The following POTEF variants were observed in gnomAD, a reference collection of about 807,000 sequenced individuals.
POTEF encodes the protein ANKRD26-like family C member 1B.
POTEF carries 20 observed loss-of-function variants against 83.2 expected under a neutral mutation model. The ratio of observed to expected loss-of-function variants is 0.24; its 90% confidence interval spans 0.17 to 0.35. The LOEUF is 0.35. Ranked by LOEUF, POTEF falls within the 10% of genes least tolerant of loss-of-function variation. POTEF has a pLI of 1.00. For synonymous variants in POTEF, 196 were observed against 446.4 expected (o/e 0.44, Z 7.07); for missense variants, 550 against 1,203.2 (o/e 0.46, Z 8.03).
intron 5 of POTEF, among the ~76,000 whole-genome samples, chr2:130,113,221 G>GAAA (rs1206432110): frequency 1.8e-4 from 9 of 50,292 alleles, no homozygotes; most frequent in African/African-American, 3.1e-4. Context: ...CATCTCTACT[G>GAAA]AAAAAAAAAA....
intron 2 of POTEF, among the ~76,000 whole-genome samples, chr2:130,127,379 C>G (rs1251938161): frequency 1.4e-5 from 2 of 146,230 alleles, no homozygotes; most frequent in East Asian, 3.9e-4. Context: ...ACAGTCACCC[C>G]CTAAATTTTG....
In POTEF at chr2:130,118,483, G is replaced by A. The variant is rs369090001; in HGVS notation, c.521+1512C>T. ...AGGCCAAGGTGGGTGGATCACGAGG[G>A]CAGGAGTTCAAGACCTGCCTGGCCA... On this transcript the variant is annotated intron_variant, in intron 3 of 16. Coordinates refer to ENST00000409914, the MANE Select transcript of POTEF (RefSeq NM_001099771.2). Among the ~76,000 whole-genome samples, 158 of 151,786 alleles carry A rather than the reference G, an allele frequency of 1.0e-3. 1 individual carries two copies. The highest frequency in any genetic ancestry group is 2.0e-3 in the East Asian group (10 of 5,082).
chr2:130,123,454 T>A (rs927207722), intron 2 of POTEF, among the ~76,000 whole-genome samples: 2 of 152,054 alleles, frequency 1.3e-5, no homozygotes, highest in African/African-American at 4.8e-5. Flanking sequence ...TTGCACAAAC[T>A]CCCTCTCTCA....
At chr2:130,107,525 A>T (rs1573607471) in intron 8 of POTEF, among the ~76,000 whole-genome samples, 3 of 151,152 alleles carry the variant, frequency 2.0e-5, no homozygotes, top group African/African-American at 7.4e-5. Flanking sequence ...ACACAGGAGG[A>T]GGTGAGCAGC....
rs62165959 is a variant in POTEF, at chr2:130,099,156, A to C, written c.1409+314T>G. Among the ~76,000 whole-genome samples the C allele has an allele frequency of 3.3e-4, 14 of 43,068 alleles. 2 individuals are homozygous for C. Among genetic ancestry groups the C allele is most frequent in the East Asian group, 6.1e-4 (1 of 1,636 alleles). The allele number at this position is 43,068 out of a possible 152,430, so 28.3% of individuals were successfully genotyped here. On this transcript the variant is annotated intron_variant, in intron 11 of 16. Transcript: ENST00000409914. Reference sequence around the variant, plus strand: ...TTATGTGGCTGATGAAATAATCTGCAGTCCAAATCTCCATGATACACTTTA... The same window carrying C: ...TTATGTGGCTGATGAAATAATCTGCCGTCCAAATCTCCATGATACACTTTA...
intron 8 of POTEF, among the ~76,000 whole-genome samples, chr2:130,106,008 T>G (rs976388141): frequency 2.6e-5 from 4 of 151,164 alleles, no homozygotes; most frequent in Non-Finnish European, 5.9e-5. Flanking sequence ...AGGAAGCCCT[T>G]TGCATGCTTC....
chr2:130,128,342 A>T (rs1268183549), intron 1 of POTEF, among the ~76,000 whole-genome samples: 1 of 151,850 alleles, frequency 6.6e-6, no homozygotes, highest in East Asian at 1.9e-4. Flanking sequence ...ACCAGGAGGA[A>T]CTCTGGAGTC....
chr2:130,104,884 G>A (rs1684475135), intron 8 of POTEF, among the ~76,000 whole-genome samples: 1 of 151,152 alleles, frequency 6.6e-6, no homozygotes, highest in Non-Finnish European at 1.5e-5. Flanking sequence ...AAACTAGTAG[G>A]ATGCGAGTTA....
At chr2:130,107,062 G>A (rs1408646290) in intron 8 of POTEF, among the ~76,000 whole-genome samples, 2 of 148,098 alleles carry the variant, frequency 1.4e-5, no homozygotes, top group East Asian at 2.0e-4. Flanking sequence ...CACACAGTTT[G>A]GACAATATAA....
At position 130,074,908 on chromosome 2, in the gene POTEF, G is replaced by T. The variant is rs1683736604; in HGVS notation, c.2564C>A (p.Ser855Tyr). The T allele has an allele frequency of 6.3e-7, 1 of 1,599,592 alleles. No homozygotes were observed. Among genetic ancestry groups the T allele is most frequent in the Non-Finnish European group, 8.5e-7 (1 of 1,175,208 alleles). ...CACAGTGTGGGTGACCCCGTCACCA[G>T]AGTCCATCACGATGCCAGTAGTACG... ...SGRTTGIVMDSGDGVTHTVPI... is the reference protein window; with the variant it reads ...SGRTTGIVMDYGDGVTHTVPI... Residue 855 changes from serine to tyrosine, a missense_variant, in exon 17 of 17, where the codon TCT becomes TAT. Ser to Tyr is a moderately radical substitution (Grantham distance 144). Coordinates refer to ENST00000409914, the MANE Select transcript of POTEF (RefSeq NM_001099771.2).
chr2:130,101,631 T>C (rs1684376977), intron 9 of POTEF, among the ~76,000 whole-genome samples: 2 of 149,078 alleles, frequency 1.3e-5, no homozygotes, highest in Admixed American at 6.6e-5. Flanking sequence ...CCATGATTAC[T>C]CCTTAACCAT....
rs1425075698 is a variant in POTEF, at chr2:130,120,390, G to A, written c.126C>T (p.Asn42=). The part of the protein sequence containing the change: ...FPCCRESGKS[N]VGTSGDHDDS... ...CGTCGTGGTCTCCAGAAGTGCCCAC[G>A]TTGCTCTTGCCGCTCTCCCTGCAGC... Residue 42 remains asparagine (N), a synonymous_variant, in exon 3 of 17, where the codon AAC becomes AAT. Transcript: ENST00000409914. The A allele has an allele frequency of 2.5e-6, 4 of 1,601,484 alleles. No homozygotes were observed. Among genetic ancestry groups the A allele is most frequent in the South Asian group, 1.1e-5 (1 of 90,570 alleles).
Position 130,114,429 on chromosome 2 carries a change from C to T in POTEF, c.810+452G>A, listed in dbSNP as rs1684788477. Among the ~76,000 whole-genome samples the T allele has an allele frequency of 1.2e-4, 18 of 144,402 alleles. No individual in the cohort carries two copies. The South Asian group carries it at 4.2e-3, about 34-fold the overall frequency. The allele number at this position is 144,402 out of a possible 152,430, so 94.7% of individuals were successfully genotyped here. ...ATGAGCAATCAGAAATATCTTAAGC[C>T]TTGCCAGTGAGAGGCGCATCACCTC... On this transcript the variant is annotated intron_variant, in intron 5 of 16. Transcript: ENST00000409914.
At chr2:130,077,764 G>T (rs1683860664) in intron 15 of POTEF, among the ~76,000 whole-genome samples, 1 of 78,490 alleles carries the variant, frequency 1.3e-5, no homozygotes, top group South Asian at 4.1e-4. Flanking sequence ...GTAAACAGAT[G>T]GAGCTTCACT....
At chr2:130,123,650 A>G (rs1020064889) in intron 2 of POTEF, among the ~76,000 whole-genome samples, 6 of 151,868 alleles carry the variant, frequency 4.0e-5, no homozygotes, top group African/African-American at 1.2e-4. Flanking sequence ...AATAAAAAAC[A>G]TATCTATTAT....
chr2:130,102,939 C>T (rs1684414281), intron 8 of POTEF, among the ~76,000 whole-genome samples: 1 of 151,438 alleles, frequency 6.6e-6, no homozygotes, highest in African/African-American at 2.5e-5. Flanking sequence ...CCTCCTGTTT[C>T]ACCCACTTGG....
At position 130,120,571 on chromosome 2, in the gene POTEF, C is replaced by G; in HGVS notation, c.-56G>C. ...TAGCCAACAGATCGCGTCTACCAAC[C>G]AGTTTCACCAACTAGCAGGTAACTC... On this transcript the variant is annotated 5_prime_UTR_variant, in exon 3 of 17. Transcript: ENST00000409914. 6.2e-7 allele frequency: 1 copy of G among 1,606,462 alleles called. No individual in the cohort carries two copies. The highest frequency in any genetic ancestry group is 8.5e-7 in the Non-Finnish European group (1 of 1,176,072).
At chr2:130,094,967 C>T (rs6761829) in intron 11 of POTEF, among the ~76,000 whole-genome samples, 4,823 of 149,694 alleles carry the variant, frequency 0.032, no homozygotes, top group African/African-American at 0.11. Context: ...AGAGCCAAAA[C>T]GATTTTAAAA....
At chr2:130,111,426 T>C (rs1259298370) in intron 6 of POTEF, among the ~76,000 whole-genome samples, 1 of 151,960 alleles carries the variant, frequency 6.6e-6, no homozygotes, top group Non-Finnish European at 1.5e-5. Context: ...CAATTAAAAA[T>C]AAAAACATCA....
Sources: allele counts gnomAD v4.1 joint callset (sites outside exome capture counted in the v4.1 genomes callset), GRCh38; gene constraint gnomAD v4.1.1; transcripts MANE v1.5; gene names NCBI Gene and HGNC (gene_info 2026-07-23, HGNC 2026-07-21).